The following POC1B variants were observed in gnomAD, a reference collection of about 807,000 sequenced individuals.
POC1B encodes the protein POC1 centriolar protein homolog B.
POC1B carries 44 observed loss-of-function variants against 60.6 expected under a neutral mutation model. That is an observed-to-expected ratio of 0.73 (90% CI 0.57 to 0.93). POC1B has a LOEUF of 0.93. Among genes scored for constraint, POC1B ranks in the 40% least tolerant of loss-of-function variants. The probability of loss-of-function intolerance (pLI) is 0.00; values close to 1 mark genes in which losing one functional copy is unlikely to be tolerated. For missense variants in POC1B, 555 were observed against 572.3 expected (o/e 0.97, Z 0.31); for synonymous variants, 180 against 198.9 (o/e 0.90, Z 0.80).
At chr12:89,417,200 A>C (rs994210347), downstream of POC1B, among the ~76,000 whole-genome samples, 1 of 152,242 alleles carries the variant, frequency 6.6e-6, no homozygotes, top group African/African-American at 2.4e-5. Context: ...TGTTAAAATA[A>C]TTAATTGGGA....
At chr12:89,439,482 G>T (rs1462611197) in intron 10 of POC1B, among the ~76,000 whole-genome samples, 1 of 152,068 alleles carries the variant, frequency 6.6e-6, no homozygotes, top group African/African-American at 2.4e-5. Context: ...TAAAATGCAG[G>T]GTCTGATTTG....
chr12:89,443,678 A>C (rs1310609419), intron 10 of POC1B, among the ~76,000 whole-genome samples: 2 of 151,554 alleles, frequency 1.3e-5, no homozygotes. Context: ...ACACCCTAAC[A>C]TCACAATTAA....
At chr12:89,418,377 T>A (rs1880401683), downstream of POC1B, among the ~76,000 whole-genome samples, 1 of 152,110 alleles carries the variant, frequency 6.6e-6, no homozygotes, top group African/African-American at 2.4e-5. Flanking sequence ...TCTTGGCCTT[T>A]TACTCTGGAA....
At chr12:89,525,084 G>A (rs1437466376) in intron 2 of POC1B, 36 bp downstream of exon 2, 4 of 1,613,506 alleles carry the variant, frequency 2.5e-6, no homozygotes, top group Non-Finnish European at 2.5e-6. Context: ...ATGGAGTTTA[G>A]TCTCATTACA....
chr12:89,414,960 C>G (rs991289709), downstream of POC1B, among the ~76,000 whole-genome samples: 5 of 150,688 alleles, frequency 3.3e-5, no homozygotes, highest in African/African-American at 1.2e-4. Context: ...TCCAAATGGT[C>G]AAAGGGCAAA....
rs1156231970 is a variant in POC1B at position 89,420,479 on chromosome 12, G to A, written c.*674C>T. On this transcript the variant is annotated 3_prime_UTR_variant, in exon 12 of 12. Transcript: ENST00000313546. ...ACATTCATCTGTGATAGAAAGATAGGTGAGTTTCATTTCCTTCAGGTTGGC... is the reference window on the plus strand; with the variant it reads ...ACATTCATCTGTGATAGAAAGATAGATGAGTTTCATTTCCTTCAGGTTGGC... 6.6e-6 allele frequency: 1 copy of A among 152,120 alleles called. No individual in the cohort carries two copies. Among genetic ancestry groups the A allele is most frequent in the African/African-American group, 2.4e-5 (1 of 41,424 alleles). 9.4% of individuals were successfully genotyped at this position (152,120 alleles called of 1,614,324 possible).
chr12:89,408,494 T>G, the POC1B span, among the ~76,000 whole-genome samples: 1 of 151,618 alleles, frequency 6.6e-6, no homozygotes, highest in East Asian at 1.9e-4. Flanking sequence ...TGGTTTTTTT[T>G]TTTTTTTTTG....
chr12:89,497,889 G>A (rs956879464), intron 2 of POC1B, among the ~76,000 whole-genome samples: 3 of 152,102 alleles, frequency 2.0e-5, no homozygotes, highest in Non-Finnish European at 4.4e-5. Flanking sequence ...AATTTGCTCT[G>A]TACTTGTTTC....
intron 2 of POC1B, chr12:89,500,740 G>A: frequency 6.7e-6 from 8 of 1,186,582 alleles, no homozygotes; most frequent in Non-Finnish European, 9.7e-6. Context: ...TTATTTTAAA[G>A]AAAATAGAAA....
chr12:89,487,151 G>T (rs1868678938), intron 4 of POC1B, among the ~76,000 whole-genome samples: 1 of 152,138 alleles, frequency 6.6e-6, no homozygotes, highest in African/African-American at 2.4e-5. Flanking sequence ...AAGGCCCATG[G>T]TTCCAACAAG....
intron 2 of POC1B, among the ~76,000 whole-genome samples, chr12:89,511,593 C>G (rs546195650): frequency 6.6e-6 from 1 of 152,210 alleles, no homozygotes; most frequent in African/African-American, 2.4e-5. Flanking sequence ...TGACTTTGTA[C>G]TTCATGCTGC....
chr12:89,484,785 C>T (rs1868545825), intron 4 of POC1B, among the ~76,000 whole-genome samples: 1 of 152,210 alleles, frequency 6.6e-6, no homozygotes, highest in Non-Finnish European at 1.5e-5. Context: ...TGTGCAACAA[C>T]TGCAACAAGC....
chr12:89,491,799 G>A lies in POC1B; in HGVS notation c.452+137C>T, dbSNP rs533344268. ...CACTATTTTGTTTACTACCGTTCCCGCACAAAGCAGTCACACAACAAATAT... is the reference window on the plus strand; with the variant it reads ...CACTATTTTGTTTACTACCGTTCCCACACAAAGCAGTCACACAACAAATAT... On this transcript the variant is annotated intron_variant, in intron 4 of 11. Coordinates refer to ENST00000313546, the MANE Select transcript of POC1B (RefSeq NM_172240.3). 170 of 652,560 alleles carry A rather than the reference G, an allele frequency of 2.6e-4. 1 individual carries two copies. Among genetic ancestry groups the A allele is most frequent in the Non-Finnish European group, 3.9e-4 (162 of 419,218 alleles). The allele number at this position is 652,560 out of a possible 1,614,324, so 40.4% of individuals were successfully genotyped here.
intron 10 of POC1B, among the ~76,000 whole-genome samples, chr12:89,449,312 T>C (rs1297789499): frequency 6.6e-6 from 1 of 152,204 alleles, no homozygotes; most frequent in Non-Finnish European, 1.5e-5. Flanking sequence ...TTTAGTAGTA[T>C]GTGAAAAATG....
chr12:89,447,054 G>T (rs1167432409), intron 10 of POC1B, among the ~76,000 whole-genome samples: 3 of 152,170 alleles, frequency 2.0e-5, no homozygotes, highest in Non-Finnish European at 4.4e-5. Context: ...TAAATGAATA[G>T]ATCTTAACAC....
At chr12:89,518,167 C>A (rs1241991201) in intron 2 of POC1B, among the ~76,000 whole-genome samples, 1 of 151,446 alleles carries the variant, frequency 6.6e-6, no homozygotes, top group Non-Finnish European at 1.5e-5. Context: ...CTGCTGTGGA[C>A]AACTATACAA....
chr12:89,463,267 C>G (rs1882544021), intron 9 of POC1B, among the ~76,000 whole-genome samples: 1 of 152,092 alleles, frequency 6.6e-6, no homozygotes, highest in Non-Finnish European at 1.5e-5. Flanking sequence ...ATCTTTTTAA[C>G]CAATTATAAT....
the POC1B span, among the ~76,000 whole-genome samples, chr12:89,402,275 G>A: frequency 6.6e-6 from 1 of 152,020 alleles, no homozygotes; most frequent in Admixed American, 6.6e-5. Flanking sequence ...CTTCAGCCCT[G>A]TGATTAGATT....
chr12:89,487,143 G>A (rs1459365924), intron 4 of POC1B, among the ~76,000 whole-genome samples: 1 of 152,102 alleles, frequency 6.6e-6, no homozygotes, highest in Non-Finnish European at 1.5e-5. Flanking sequence ...CAAGAGGAAA[G>A]GCCCATGGTT....
Sources: allele counts gnomAD v4.1 joint callset (sites outside exome capture counted in the v4.1 genomes callset), GRCh38; gene constraint gnomAD v4.1.1; transcripts MANE v1.5; gene names NCBI Gene and HGNC (gene_info 2026-07-23, HGNC 2026-07-21).